Variants in MICU3 observed in about 807,000 individuals in gnomAD.
MICU3 encodes calcium uptake protein 3, mitochondrial.
A neutral mutation model predicts 66.5 loss-of-function variants in MICU3; 62 were observed. The observed-to-expected ratio is 0.93, with a 90% CI of 0.76 to 1.15. MICU3 has a LOEUF of 1.15. MICU3 is among the 50% of genes most tolerant of loss of function. MICU3 has a pLI of 0.00. For synonymous variants in MICU3, 308 were observed against 240.7 expected, an observed-to-expected ratio of 1.28 and a Z score of -2.59; for missense variants, 779 against 664.4, an observed-to-expected ratio of 1.17 and a Z score of -1.90.
chr8:17,119,499 A>C (rs1803011487), intron 14 of MICU3, among the ~76,000 whole-genome samples: 1 of 151,424 alleles, frequency 6.6e-6, no homozygotes, highest in Non-Finnish European at 1.5e-5. Flanking sequence ...ATATTCATGT[A>C]TATGTTTCTT....
chr8:17,073,552 G>T (rs181008725), intron 3 of MICU3, among the ~76,000 whole-genome samples: 2 of 152,202 alleles, frequency 1.3e-5, no homozygotes, highest in South Asian at 2.1e-4. Context: ...ATGTTACATT[G>T]TAATAATAAT....
At chr8:17,128,098 G>A in the MICU3 span, among the ~76,000 whole-genome samples, 1 of 152,082 alleles carries the variant, frequency 6.6e-6, no homozygotes, top group African/African-American at 2.4e-5. Flanking sequence ...TTGCCCTGAA[G>A]CCAGAGTTCT....
intron 1 of MICU3, among the ~76,000 whole-genome samples, chr8:17,054,083 G>A (rs1006319760): frequency 3.3e-5 from 5 of 152,208 alleles, no homozygotes; most frequent in Admixed American, 2.6e-4. Context: ...AAAAAATTCC[G>A]TTTCAGCAAA....
chr8:17,083,175 G>A lies in MICU3; in HGVS notation c.694+1435G>A, dbSNP rs1057369912. Among the ~76,000 whole-genome samples, 20 of 152,072 alleles carry A rather than the reference G, an allele frequency of 1.3e-4. 1 individual carries two copies. The highest frequency in any genetic ancestry group is 1.1e-3 in the Admixed American group (17 of 15,244). On this transcript the variant is annotated intron_variant, in intron 5 of 14. Transcript: ENST00000318063. ...TAGGGAGTTGAAGCTTTTCTCTTGA[G>A]CTGAGTCAGTTCCTGCGTGAGGACC...
At chr8:17,030,280 T>C (rs1367221467) in intron 1 of MICU3, among the ~76,000 whole-genome samples, 1 of 152,258 alleles carries the variant, frequency 6.6e-6, no homozygotes, top group Non-Finnish European at 1.5e-5. Flanking sequence ...TTGGAGGTTT[T>C]CCTCACATAT....
At chr8:17,036,633 G>T (rs981232032) in intron 1 of MICU3, among the ~76,000 whole-genome samples, 4 of 152,164 alleles carry the variant, frequency 2.6e-5, no homozygotes, top group Non-Finnish European at 5.9e-5. Flanking sequence ...ACAGATTGTC[G>T]ATTGGTGCAG....
At chr8:17,064,062 G>A (rs1389559218) in intron 1 of MICU3, 22 bp from the exon 2 acceptor site, 6 of 1,597,714 alleles carry the variant, frequency 3.8e-6, no homozygotes, top group South Asian at 3.4e-5. Flanking sequence ...TCATCCAAAT[G>A]TATTTGCTTT....
intron 2 of MICU3, 22 bp downstream of exon 2, chr8:17,064,259 T>C (rs771403825): frequency 1.2e-5 from 19 of 1,576,702 alleles, no homozygotes; most frequent in Admixed American, 1.8e-5. Flanking sequence ...TTTGAAATTA[T>C]CTTAATAATT....
At chr8:17,112,490 T>G (rs948523922) in intron 11 of MICU3, among the ~76,000 whole-genome samples, 2 of 152,210 alleles carry the variant, frequency 1.3e-5, no homozygotes, top group Non-Finnish European at 2.9e-5. Context: ...AAACATTGCT[T>G]TAATTATCTC....
rs76457512 is a variant in MICU3 at position 17,049,150 on chromosome 8, A to G, written c.382-14934A>G. Among the ~76,000 whole-genome samples the G allele has an allele frequency of 8.4e-3, 1,282 of 151,982 alleles. 14 individuals carry two copies. The highest frequency in any genetic ancestry group is 0.029 in the African/African-American group (1,209 of 41,434). ...TGATGAGACTAAATTTCTAAACAAT[A>G]CTCTTCAAGTAAAAATTTTAACCCA... On this transcript the variant is annotated intron_variant, in intron 1 of 14. Coordinates refer to ENST00000318063, the MANE Select transcript of MICU3 (RefSeq NM_181723.3).
chr8:17,074,590 CGTGT>C (rs35861279), intron 3 of MICU3, among the ~76,000 whole-genome samples: 44,440 of 141,626 alleles, frequency 0.31, 7,240 homozygotes, highest in East Asian at 0.48. Context: ...GATGTTAAAA[CGTGT>C]GTGTGTGTGT....
At position 17,116,455 on chromosome 8, in the gene MICU3, G is replaced by A. The variant is rs190057007; in HGVS notation, c.1379G>A (p.Arg460His). ...AACATTTATCTAGATGAATTTAAAC[G>A]TGCCGTCTATGTAGCTACTGGACTC... ...SRSIGQDEFK[R>H]AVYVATGLKF... The change falls in exon 13 of 15, where the codon CGT becomes CAT. Residue 460 changes from arginine to histidine, a missense_variant. Physicochemically the swap from Arg to His is conservative, Grantham distance 29. Coordinates refer to ENST00000318063, the MANE Select transcript of MICU3 (RefSeq NM_181723.3). 34 of 1,465,714 alleles carry A rather than the reference G, an allele frequency of 2.3e-5. No homozygotes were observed. Among genetic ancestry groups the A allele is most frequent in the East Asian group, 1.3e-4 (5 of 38,836 alleles). 90.8% of individuals were successfully genotyped at this position (1,465,714 alleles called of 1,614,324 possible).
At chr8:17,048,347 A>G (rs1815458794) in intron 1 of MICU3, among the ~76,000 whole-genome samples, 1 of 152,176 alleles carries the variant, frequency 6.6e-6, no homozygotes, top group Non-Finnish European at 1.5e-5. Context: ...TGAAATAGAA[A>G]TTCACTGGCC....
downstream of MICU3, among the ~76,000 whole-genome samples, chr8:17,127,371 G>T (rs1168208626): frequency 6.6e-6 from 1 of 152,146 alleles, no homozygotes; most frequent in Non-Finnish European, 1.5e-5. Flanking sequence ...AAACTACATT[G>T]TGCCCTGCTA....
intron 1 of MICU3, among the ~76,000 whole-genome samples, chr8:17,061,916 A>G (rs1160880431): frequency 6.6e-6 from 1 of 152,144 alleles, no homozygotes; most frequent in Non-Finnish European, 1.5e-5. Flanking sequence ...CAATTTTCCA[A>G]TACCTGTGGA....
intron 11 of MICU3, among the ~76,000 whole-genome samples, chr8:17,108,362 A>T (rs1221984612): frequency 6.6e-6 from 1 of 152,084 alleles, no homozygotes; most frequent in Non-Finnish European, 1.5e-5. Context: ...TCTCCCCTGA[A>T]TTTCAGGCTT....
chr8:17,125,312 A>G (rs999137423), downstream of MICU3, among the ~76,000 whole-genome samples: 1 of 150,138 alleles, frequency 6.7e-6, no homozygotes, highest in Non-Finnish European at 1.5e-5. Context: ...TGTTTCATCT[A>G]TTATCTTTTA....
chr8:17,065,204 T>C (rs1190230590), intron 2 of MICU3, among the ~76,000 whole-genome samples: 1 of 152,148 alleles, frequency 6.6e-6, no homozygotes, highest in Non-Finnish European at 1.5e-5. Context: ...ACAAATACTT[T>C]AACTTAGACT....
In MICU3 at chr8:17,027,347, C is replaced by T. The variant is rs781551166; in HGVS notation, c.68C>T (p.Pro23Leu). ...TCTCCTCCACTCTGCGCTCACCAGCCCCTCCTTGGGCCGTGGGGGCGGCCT... is the reference window on the plus strand; with the variant it reads ...TCTCCTCCACTCTGCGCTCACCAGCTCCTCCTTGGGCCGTGGGGGCGGCCT... ...RVSPPLCAHQ[P>L]LLGPWGRPAV... The change falls in exon 1 of 15, where the codon CCC becomes CTC. Residue 23 changes from proline to leucine, a missense_variant. Physicochemically the swap from Pro to Leu is moderately conservative, Grantham distance 98 (BLOSUM62 -3). Coordinates refer to ENST00000318063, the MANE Select transcript of MICU3 (RefSeq NM_181723.3). The T allele has an allele frequency of 1.1e-5, 17 of 1,524,180 alleles. No individual in the cohort carries two copies. Among genetic ancestry groups the T allele is most frequent in the Admixed American group, 2.1e-5 (1 of 48,446 alleles). The allele number at this position is 1,524,180 out of a possible 1,614,324, so 94.4% of individuals were successfully genotyped here. A position where few individuals can be genotyped will look rare whatever the true frequency, so the allele number is the denominator to read the frequency against.
Sources: allele counts gnomAD v4.1 joint callset (sites outside exome capture counted in the v4.1 genomes callset), GRCh38; gene constraint gnomAD v4.1.1; transcripts MANE v1.5; gene names NCBI Gene and HGNC (gene_info 2026-07-23, HGNC 2026-07-21).